SAMD14: variants seen among roughly 807,000 people sequenced by gnomAD.
SAMD14 encodes the protein sterile alpha motif domain-containing protein 14.
A neutral mutation model predicts 46.2 loss-of-function variants in SAMD14; 27 were observed. The observed-to-expected ratio is 0.58, with a 90% confidence interval of 0.43 to 0.81. The LOEUF is 0.81. Ranked by LOEUF, SAMD14 falls within the 30% of genes least tolerant of loss-of-function variation. SAMD14 has a pLI of 0.00. For missense variants in SAMD14, 559 were observed against 582.2 expected (o/e 0.96, Z 0.41); for synonymous variants, 241 against 254.3 (o/e 0.95, Z 0.50).
intron 1 of SAMD14, chr17:50,125,191 C>T (rs536211390): frequency 6.0e-5 from 32 of 534,240 alleles, no homozygotes; most frequent in African/African-American, 5.2e-4. Flanking sequence ...TGGGGGCAGA[C>T]GCAAAACCAA....
Position 50,111,705 on chromosome 17 carries a change from G to C in SAMD14, c.*1188C>G, listed in dbSNP as rs1162214340. On this transcript the variant is annotated 3_prime_UTR_variant, in exon 10 of 10. Transcript: ENST00000330175. ...GGTAACTCTGACCAGTGTCCTGGAA[G>C]CGGGACTAGCTGCTGACCAGCGCCA... 1 of 152,302 alleles carries C rather than the reference G, an allele frequency of 6.6e-6. No homozygotes were observed. 9.4% of individuals were successfully genotyped at this position (152,302 alleles called of 1,614,324 possible).
intron 2 of SAMD14, among the ~76,000 whole-genome samples, chr17:50,121,371 G>A (rs1373910944): frequency 2.0e-5 from 3 of 151,618 alleles, no homozygotes; most frequent in Non-Finnish European, 4.4e-5. Context: ...AGGCTAGAGT[G>A]CAGTGGCATG....
At chr17:50,114,524 G>A in intron 7 of SAMD14, 1 of 1,340,916 alleles carries the variant, frequency 7.5e-7, no homozygotes, top group Non-Finnish European at 1.0e-6. Context: ...AGGACATGGG[G>A]CTAGAACCAA....
At chr17:50,126,788 G>A (rs565884999) in intron 1 of SAMD14, among the ~76,000 whole-genome samples, 1 of 152,164 alleles carries the variant, frequency 6.6e-6, no homozygotes, top group Admixed American at 6.5e-5. Flanking sequence ...GGGCAACATA[G>A]TGAGACCCTC....
intron 1 of SAMD14, among the ~76,000 whole-genome samples, chr17:50,126,441 A>ACTACC (rs1000493891): frequency 6.6e-6 from 1 of 151,606 alleles, no homozygotes; most frequent in Non-Finnish European, 1.5e-5. Flanking sequence ...AGTAGCTGGG[A>ACTACC]CTACAGTCGC....
chr17:50,130,130 G>C lies in SAMD14; in HGVS notation c.-626C>G, dbSNP rs1382229880. On this transcript the variant is annotated 5_prime_UTR_variant, in exon 1 of 10. Coordinates refer to ENST00000330175, the MANE Select transcript of SAMD14 (RefSeq NM_001257359.2). The surrounding 1 kb of genome is among the most constrained non-coding windows in gnomAD (Gnocchi z 4.1). Reference sequence around the variant, plus strand: ...GCTGGGGCCGGGGAGCGGAGTTGCAGCTACTTCTCTGCCCGCGGGAGACGC... The same window carrying C: ...GCTGGGGCCGGGGAGCGGAGTTGCACCTACTTCTCTGCCCGCGGGAGACGC... 6.6e-6 allele frequency among the ~76,000 whole-genome samples: 1 copy of C among 152,082 alleles called. No homozygotes were observed. The highest frequency in any genetic ancestry group is 1.5e-5 in the Non-Finnish European group (1 of 67,992).
Position 50,113,020 on chromosome 17 carries a change from C to T in SAMD14, c.1127G>A (p.Arg376Gln), listed in dbSNP as rs200389822. Residue 376 changes from arginine to glutamine, a missense_variant, in exon 10 of 10, where the codon CGG (arginine) becomes CAG (glutamine). Arg to Gln is a conservative substitution (Grantham distance 43, BLOSUM62 1). Coordinates refer to ENST00000330175, the MANE Select transcript of SAMD14 (RefSeq NM_001257359.2). ...KSLGLSNSHD[R>Q]ALVKRKLKEM... ...CTTCAACTTGCGCTTCACCAGTGCC[C>T]GGTCATGAGAGTTGCTGAGCCCCAG... The T allele has an allele frequency of 7.4e-6, 12 of 1,612,470 alleles. No homozygotes were observed. The highest frequency in any genetic ancestry group is 6.7e-5 in the East Asian group (3 of 44,884).
At chr17:50,120,879 C>A (rs191968072) in intron 2 of SAMD14, among the ~76,000 whole-genome samples, 5 of 152,208 alleles carry the variant, frequency 3.3e-5, no homozygotes, top group Non-Finnish European at 7.3e-5. Context: ...ATAGCCCCCC[C>A]ACTCCAAAAC....
chr17:50,120,928 T>C (rs963617044), intron 2 of SAMD14, among the ~76,000 whole-genome samples: 1 of 152,206 alleles, frequency 6.6e-6, no homozygotes, highest in African/African-American at 2.4e-5. Context: ...TCTCATTCTC[T>C]GGCATGCTAT....
chr17:50,114,275 G>A lies in SAMD14; in HGVS notation c.854C>T (p.Pro285Leu), dbSNP rs1911051518. The change falls in exon 8 of 10, where the codon CCC (proline) becomes CTC (leucine). Residue 285 changes from proline (P) to leucine (L), a missense_variant. Physicochemically the swap from Pro to Leu is moderately conservative, Grantham distance 98. Transcript: ENST00000330175. ...ESTLSDDSTP[P>L]SSSPKIPSGP... ...ACTGGGGATCTTGGGGCTGCTGCTG[G>A]GGGGCGTGGAGTCATCACTCAGAGT... 6.2e-7 allele frequency: 1 copy of A among 1,614,074 alleles called. No individual in the cohort carries two copies. Among genetic ancestry groups the A allele is most frequent in the Non-Finnish European group, 8.5e-7 (1 of 1,180,008 alleles).
intron 1 of SAMD14, among the ~76,000 whole-genome samples, chr17:50,125,667 C>G (rs1300865106): frequency 6.6e-6 from 1 of 152,082 alleles, no homozygotes; most frequent in Non-Finnish European, 1.5e-5. Context: ...ATCTCTTTTC[C>G]AATCCTGCCT....
chr17:50,124,626 T>C (rs951419395), intron 2 of SAMD14, among the ~76,000 whole-genome samples: 2 of 152,156 alleles, frequency 1.3e-5, no homozygotes, highest in African/African-American at 4.8e-5. Context: ...ATACAGTGCA[T>C]GTGAGATGGG....
intron 2 of SAMD14, among the ~76,000 whole-genome samples, chr17:50,120,243 T>C (rs907859971): frequency 2.6e-5 from 4 of 152,166 alleles, no homozygotes; most frequent in Admixed American, 2.6e-4. Context: ...AATAAATTAT[T>C]GTTTGTGTAT....
chr17:50,121,921 C>T (rs530889824), intron 2 of SAMD14, among the ~76,000 whole-genome samples: 71 of 152,340 alleles, frequency 4.7e-4, no homozygotes, highest in Non-Finnish European at 9.0e-4. Flanking sequence ...ATTATACTAG[C>T]ACTATCTTCC....
intron 2 of SAMD14, among the ~76,000 whole-genome samples, chr17:50,122,213 G>A (rs1050956116): frequency 2.6e-5 from 4 of 152,138 alleles, no homozygotes; most frequent in African/African-American, 9.7e-5. Context: ...CGATACGGTC[G>A]GGATATGGTC....
At chr17:50,116,190 A>G in intron 4 of SAMD14, 100 bp from the exon 5 acceptor site, 2 of 1,485,684 alleles carry the variant, frequency 1.3e-6, no homozygotes. Context: ...ACTTAGAATC[A>G]GGCATCCTGG....
chr17:50,113,136 A>AG (rs1910957345), intron 9 of SAMD14, 88 bp from the exon 10 acceptor site: 4 of 1,484,352 alleles, frequency 2.7e-6, no homozygotes, highest in Admixed American at 2.0e-5. Flanking sequence ...CCCCAGGTGT[A>AG]CTCTGTGGAG....
At chr17:50,113,664 G>A (rs1911000309) in intron 9 of SAMD14, 1 of 517,874 alleles carries the variant, frequency 1.9e-6, no homozygotes, top group Non-Finnish European at 3.5e-6. Context: ...TCAGCCTGGA[G>A]ACCAGGGCTG....
chr17:50,114,488 C>G lies in SAMD14; in HGVS notation c.823-182G>C, dbSNP rs2144393383. The G allele has an allele frequency of 1.9e-6, 3 of 1,568,608 alleles. No individual in the cohort carries two copies. The South Asian group carries it at 3.4e-5, about 18-fold the overall frequency. On this transcript the variant is annotated intron_variant, in intron 7 of 9. Transcript: ENST00000330175. ...CATGTCAGGCATCAGGACCTGAAGCCTTTGGGAGAGCAGGCAGCCATCTGG... is the reference window on the plus strand; with the variant it reads ...CATGTCAGGCATCAGGACCTGAAGCGTTTGGGAGAGCAGGCAGCCATCTGG...
Sources: gnomAD v4.1 joint callset for allele counts (sites outside exome capture counted in the v4.1 genomes callset) on GRCh38, gnomAD v4.1.1 for gene constraint, Gnocchi (gnomAD v3.1) non-coding constraint, MANE v1.5 for transcripts, NCBI Gene and HGNC (gene_info 2026-07-23, HGNC 2026-07-21) for gene names.